The following DRD2 variants were observed in gnomAD, a reference collection of about 807,000 sequenced individuals.
The protein encoded by DRD2 is D(2) dopamine receptor.
In DRD2, 8 loss-of-function variants were observed where a neutral mutation model predicts 38.0. That is an observed-to-expected ratio of 0.21 (90% confidence interval 0.12 to 0.38). DRD2 has a LOEUF of 0.38. Among genes scored for constraint, DRD2 ranks in the 10% least tolerant of loss-of-function variants. DRD2 has a pLI of 1.00. For synonymous variants in DRD2, 230 were observed against 238.6 expected (o/e 0.96, Z 0.33); for missense variants, 403 against 607.7 (o/e 0.66, Z 3.54).
chr11:113,424,807 C>T (rs915584268), intron 1 of DRD2, 125 bp from the exon 2 acceptor site: 1 of 982,782 alleles, frequency 1.0e-6, no homozygotes, highest in African/African-American at 1.6e-5. Flanking sequence ...AGGTTTACGG[C>T]TAAGAATTTT....
chr11:113,461,927 C>T (rs1476153873), intron 1 of DRD2, among the ~76,000 whole-genome samples: 2 of 152,166 alleles, frequency 1.3e-5, no homozygotes, highest in Non-Finnish European at 2.9e-5. Context: ...CCCAAGTGCC[C>T]CAGAAATCCA....
chr11:113,429,241 GT>G, intron 1 of DRD2, among the ~76,000 whole-genome samples: 1 of 152,036 alleles, frequency 6.6e-6, no homozygotes, highest in East Asian at 2.0e-4. Flanking sequence ...CTGTTTGCTT[GT>G]TTGGGGGTTT....
At chr11:113,448,746 A>T (rs1359175040) in intron 1 of DRD2, among the ~76,000 whole-genome samples, 3 of 152,110 alleles carry the variant, frequency 2.0e-5, no homozygotes, top group Non-Finnish European at 4.4e-5. Context: ...CCTAGAGTGG[A>T]AAGGATTGGT....
chr11:113,452,007 T>A (rs1951214130), intron 1 of DRD2, among the ~76,000 whole-genome samples: 1 of 152,070 alleles, frequency 6.6e-6, no homozygotes, highest in Non-Finnish European at 1.5e-5. Context: ...TCTGGCCCCC[T>A]CCAGCCCAAC....
chr11:113,413,238 C>T, intron 6 of DRD2: 1 of 611,828 alleles, frequency 1.6e-6, no homozygotes. Context: ...TGATGTTTGG[C>T]CCTGCCTCCA....
intron 1 of DRD2, among the ~76,000 whole-genome samples, chr11:113,429,330 C>T (rs7131681): frequency 0.44 from 66,133 of 151,888 alleles, 17,038 homozygotes; most frequent in Non-Finnish European, 0.6. Context: ...CTGCAAGCTC[C>T]GCCTCCTGGA....
At chr11:113,441,766 CA>C (rs1951095067) in intron 1 of DRD2, among the ~76,000 whole-genome samples, 1 of 152,140 alleles carries the variant, frequency 6.6e-6, no homozygotes, top group Admixed American at 6.5e-5. Flanking sequence ...GGAAGGATCA[CA>C]AGGTCAGGAG....
intron 4 of DRD2, among the ~76,000 whole-genome samples, chr11:113,416,552 G>T (rs1950829256): frequency 6.6e-6 from 1 of 152,234 alleles, no homozygotes; most frequent in South Asian, 2.1e-4. Flanking sequence ...CATGCAGTTT[G>T]TGAAGCACGT....
intron 1 of DRD2, among the ~76,000 whole-genome samples, chr11:113,467,205 A>C (rs571138148): frequency 1.8e-4 from 28 of 152,344 alleles, no homozygotes; most frequent in African/African-American, 6.7e-4. Flanking sequence ...AAGATGACCC[A>C]GGAACAGAAT....
Position 113,412,615 on chromosome 11 carries a change from C to G in DRD2, c.1079G>C (p.Arg360Pro), listed in dbSNP as rs138873192. 1 of 1,614,138 alleles carries G rather than the reference C, an allele frequency of 6.2e-7. No homozygotes were observed. The highest frequency in any genetic ancestry group is 1.1e-5 in the South Asian group (1 of 91,082). Reference sequence around the variant, plus strand: ...CTCCTTCTGCTGGGAGAGCTTCCTACGGCTCATGGTCTTGAGGGAGGTCCG... The same window carrying G: ...CTCCTTCTGCTGGGAGAGCTTCCTAGGGCTCATGGTCTTGAGGGAGGTCCG... ...KTRTSLKTMS[R>P]RKLSQQKEKK... The change falls in exon 7 of 8, where the codon CGT becomes CCT. Residue 360 changes from arginine to proline, a missense_variant. Physicochemically the swap from Arg to Pro is moderately radical, Grantham distance 103. Around this residue, in one of 4 missense-constraint regions of DRD2, gnomAD observed 67 missense variants for 136.1 expected, o/e 0.49. Coordinates refer to ENST00000362072, the MANE Select transcript of DRD2 (RefSeq NM_000795.4).
chr11:113,458,392 CAG>C (rs1951286592), intron 1 of DRD2, among the ~76,000 whole-genome samples: 4 of 57,194 alleles, frequency 7.0e-5, no homozygotes. Flanking sequence ...CAAATATCAC[CAG>C]AAAAAAAAAA....
chr11:113,439,838 CAAAAAAAAAAAAAAAAAAA>C (rs67577307), intron 1 of DRD2, among the ~76,000 whole-genome samples: 321 of 16,264 alleles, frequency 0.02, 7 homozygotes, highest in Middle Eastern at 0.15. Context: ...GGCTCTGTCT[CAAAAAAAAAAAAAAAAAAA>C]AAAAAAAAAA....
chr11:113,448,348 C>T (rs1951173798), intron 1 of DRD2, among the ~76,000 whole-genome samples: 1 of 152,158 alleles, frequency 6.6e-6, no homozygotes, highest in Admixed American at 6.5e-5. Context: ...AGCATCCCAG[C>T]CCAGCCCAGA....
At chr11:113,416,796 C>CGA in intron 4 of DRD2, 67 bp downstream of exon 4, 1 of 1,587,874 alleles carries the variant, frequency 6.3e-7, no homozygotes, top group Non-Finnish European at 8.6e-7. Context: ...TCTGCTCCCT[C>CGA]AGGGCCCTTC....
At chr11:113,472,953 C>A (rs1287703555) in intron 1 of DRD2, among the ~76,000 whole-genome samples, 2 of 152,160 alleles carry the variant, frequency 1.3e-5, no homozygotes, top group Admixed American at 6.5e-5. Context: ...TCCTTAATTT[C>A]AGCAAAGATT....
chr11:113,413,866 G>T (rs550039693), intron 6 of DRD2: 1 of 237,876 alleles, frequency 4.2e-6, no homozygotes, highest in African/African-American at 2.2e-5. Flanking sequence ...GCTCTGCTGC[G>T]TCCTACCCCA....
At chr11:113,423,630 T>C (rs1265362708) in intron 2 of DRD2, among the ~76,000 whole-genome samples, 2 of 152,058 alleles carry the variant, frequency 1.3e-5, no homozygotes, top group African/African-American at 2.4e-5. Context: ...TTACCAAGAG[T>C]ATTCACTGGG....
intron 5 of DRD2, among the ~76,000 whole-genome samples, chr11:113,414,754 G>A (rs1229683998): frequency 6.6e-6 from 1 of 152,240 alleles, no homozygotes; most frequent in Non-Finnish European, 1.5e-5. Context: ...AGACCACCCT[G>A]TGAGGCTGGT....
At chr11:113,424,830 G>A (rs1453127490) in intron 1 of DRD2, 148 bp from the exon 2 acceptor site, 3 of 778,392 alleles carry the variant, frequency 3.9e-6, no homozygotes, top group African/African-American at 3.5e-5. Context: ...AAAAATGTTG[G>A]GCCTTCTGCC....
Sources: gnomAD v4.1 joint callset for allele counts (sites outside exome capture counted in the v4.1 genomes callset) on GRCh38, gnomAD v4.1.1 for gene constraint, gnomAD v4.1.1 regional missense constraint, MANE v1.5 for transcripts, NCBI Gene and HGNC (gene_info 2026-07-23, HGNC 2026-07-21) for gene names.